The following ADARB2 variants were observed in gnomAD, a reference collection of about 807,000 sequenced individuals.
The protein encoded by ADARB2 is inactive double-stranded RNA-specific editase B2.
ADARB2 carries 25 observed loss-of-function variants against 62.2 expected under a neutral mutation model. The ratio of observed to expected loss-of-function variants is 0.40; its 90% CI spans 0.29 to 0.56. The LOEUF (loss-of-function observed/expected upper bound fraction) is 0.56. Among genes scored for constraint, ADARB2 ranks in the 20% least tolerant of loss-of-function variants. ADARB2 has a pLI of 0.43. For synonymous variants in ADARB2, 572 were observed against 500.8 expected, an observed-to-expected ratio of 1.14 and a Z score of -1.90; for missense variants, 1,071 against 1,077.4, an observed-to-expected ratio of 0.99 and a Z score of 0.08.
At chr10:1,192,082 T>C (rs775850135) in intron 8 of ADARB2, among the ~76,000 whole-genome samples, 4 of 152,240 alleles carry the variant, frequency 2.6e-5, no homozygotes, top group Non-Finnish European at 5.9e-5. Flanking sequence ...AGAAAATCCT[T>C]ATTTACCTTT....
In ADARB2 at chr10:1,543,666, C is replaced by T. The variant is rs565212967; in HGVS notation, c.101-164506G>A. 2.0e-4 allele frequency among the ~76,000 whole-genome samples: 31 copies of T among 152,266 alleles called. No individual in the cohort carries two copies. In the South Asian group the frequency reaches 4.8e-3, roughly 23 times the overall value. The stretch of plus-strand genomic sequence containing the variant: ...AATTGTCACCAACTTCATTCTTCAA[C>T]GGATAAAGGGAGCTTTGGAAATAAA... On this transcript the variant is annotated intron_variant, in intron 1 of 9. Transcript: ENST00000381312.
At chr10:1,389,520 A>C (rs1832550988) in intron 1 of ADARB2, among the ~76,000 whole-genome samples, 1 of 152,156 alleles carries the variant, frequency 6.6e-6, no homozygotes, top group South Asian at 2.1e-4. Context: ...AGACATACAA[A>C]TAGCCAATAA....
At chr10:1,401,370 G>A (rs1276074600) in intron 1 of ADARB2, among the ~76,000 whole-genome samples, 1 of 152,252 alleles carries the variant, frequency 6.6e-6, no homozygotes, top group African/African-American at 2.4e-5. Flanking sequence ...TCATGCTGCG[G>A]GAAGCCTGGG....
At chr10:1,646,367 G>GCT (rs1303635312) in intron 1 of ADARB2, among the ~76,000 whole-genome samples, 2 of 152,102 alleles carry the variant, frequency 1.3e-5, no homozygotes, top group African/African-American at 2.4e-5. Context: ...TCTAGCCTGG[G>GCT]CTCTCTCTCT....
chr10:1,275,908 G>A (rs1424876600), intron 3 of ADARB2, among the ~76,000 whole-genome samples: 3 of 151,902 alleles, frequency 2.0e-5, no homozygotes, highest in South Asian at 2.1e-4. Flanking sequence ...GTCTATCATT[G>A]TTGGACATTT....
At chr10:1,478,413 G>C (rs1229284777) in intron 1 of ADARB2, among the ~76,000 whole-genome samples, 1 of 152,146 alleles carries the variant, frequency 6.6e-6, no homozygotes, top group Non-Finnish European at 1.5e-5. Context: ...TAGTATCTCC[G>C]TTTAAGTAAC....
At chr10:1,518,195 C>T (rs1454455623) in intron 1 of ADARB2, among the ~76,000 whole-genome samples, 1 of 152,204 alleles carries the variant, frequency 6.6e-6, no homozygotes, top group Non-Finnish European at 1.5e-5. Flanking sequence ...ACTGTGTTGG[C>T]CGCATGAGCT....
chr10:1,574,243 G>T (rs17293956), intron 1 of ADARB2, among the ~76,000 whole-genome samples: 1 of 152,104 alleles, frequency 6.6e-6, no homozygotes, highest in Non-Finnish European at 1.5e-5. Context: ...GGAAACAGCC[G>T]GTTTGAGGGC....
chr10:1,387,796 A>T (rs1424975636), intron 1 of ADARB2, among the ~76,000 whole-genome samples: 1 of 152,048 alleles, frequency 6.6e-6, no homozygotes, highest in Non-Finnish European at 1.5e-5. Flanking sequence ...TGATGTTATA[A>T]GAAAAAAAAC....
At position 1,200,155 on chromosome 10, in the gene ADARB2, G is replaced by A; in HGVS notation, c.1683-8C>T. 6.5e-7 allele frequency: 1 copy of A among 1,550,268 alleles called. No homozygotes were observed. The highest frequency in any genetic ancestry group is 8.7e-7 in the Non-Finnish European group (1 of 1,146,936). ...AGCCCCAGGACGTTCCACCTGTGGG[G>A]AGAGCCAGCAGTCAGCGGAGCCCCA... On this transcript the variant is annotated splice_polypyrimidine_tract_variant and splice_region_variant and intron_variant, in intron 7 of 9. Transcript: ENST00000381312.
intron 1 of ADARB2, among the ~76,000 whole-genome samples, chr10:1,651,396 G>T (rs1284175239): frequency 6.6e-6 from 1 of 152,212 alleles, no homozygotes; most frequent in Non-Finnish European, 1.5e-5. Context: ...CGCCCTCCCT[G>T]GTTCTCAGGG....
At chr10:1,564,383 T>C (rs1832829026) in intron 1 of ADARB2, among the ~76,000 whole-genome samples, 1 of 152,294 alleles carries the variant, frequency 6.6e-6, no homozygotes, top group African/African-American at 2.4e-5. Context: ...CCAAAAGCAA[T>C]GGCAACAAAA....
intron 1 of ADARB2, among the ~76,000 whole-genome samples, chr10:1,733,958 CT>C (rs5782599): frequency 0.51 from 77,055 of 151,474 alleles, 20,142 homozygotes; most frequent in Non-Finnish European, 0.56. Context: ...ATGAACGTTG[CT>C]TTGCCGCGAT....
chr10:1,623,264 G>A (rs1232903227), intron 1 of ADARB2, among the ~76,000 whole-genome samples: 1 of 152,132 alleles, frequency 6.6e-6, no homozygotes, highest in African/African-American at 2.4e-5. Context: ...TCAAGAGGAC[G>A]TGAGGCGCAT....
chr10:1,501,040 A>G lies in ADARB2; in HGVS notation c.101-121880T>C, dbSNP rs2676703. Reference sequence around the variant, plus strand: ...CAGACATGCACCACCACGCCCAGCTAATTTTTGTATTTTTAGTAGAGACGG... The same window carrying G: ...CAGACATGCACCACCACGCCCAGCTGATTTTTGTATTTTTAGTAGAGACGG... On this transcript the variant is annotated intron_variant, in intron 1 of 9. Transcript: ENST00000381312. Among the ~76,000 whole-genome samples, 1,101 of 152,086 alleles carry G rather than the reference A, an allele frequency of 7.2e-3. 16 individuals are homozygous for G. Among genetic ancestry groups the G allele is most frequent in the African/African-American group, 0.025 (1,054 of 41,492 alleles).
intron 7 of ADARB2, among the ~76,000 whole-genome samples, chr10:1,209,022 G>A (rs369359666): frequency 5.9e-5 from 9 of 152,280 alleles, no homozygotes; most frequent in African/African-American, 2.2e-4. Context: ...TGGGTCCCCA[G>A]ATACCACGGT....
intron 1 of ADARB2, among the ~76,000 whole-genome samples, chr10:1,423,484 A>T (rs1588253115): frequency 6.7e-6 from 1 of 150,032 alleles, no homozygotes; most frequent in African/African-American, 2.5e-5. Context: ...TGCTAGGGGG[A>T]CTCAAAGGTT....
chr10:1,424,581 A>C (rs374134426), intron 1 of ADARB2, among the ~76,000 whole-genome samples: 39 of 152,172 alleles, frequency 2.6e-4, no homozygotes, highest in African/African-American at 9.4e-4. Flanking sequence ...ATGCCCCTAA[A>C]GTGGTCATTT....
intron 1 of ADARB2, among the ~76,000 whole-genome samples, chr10:1,482,697 C>T (rs531843916): frequency 6.6e-6 from 1 of 152,292 alleles, no homozygotes; most frequent in African/African-American, 2.4e-5. Flanking sequence ...AAAGATGAAA[C>T]ACCCACATAC....
Sources: allele counts gnomAD v4.1 joint callset (sites outside exome capture counted in the v4.1 genomes callset), GRCh38; gene constraint gnomAD v4.1.1; transcripts MANE v1.5; gene names NCBI Gene and HGNC (gene_info 2026-07-23, HGNC 2026-07-21).